ANKRD30A: variants seen among roughly 807,000 people sequenced by gnomAD.
ANKRD30A encodes the protein ankyrin repeat domain-containing protein 30A.
A neutral mutation model predicts 166.3 loss-of-function variants in ANKRD30A; 170 were observed. The ratio of observed to expected loss-of-function variants is 1.02; its 90% CI spans 0.90 to 1.16. The LOEUF is 1.16. ANKRD30A is among the 50% of genes most tolerant of loss of function. ANKRD30A has a pLI of 0.00. For synonymous variants in ANKRD30A, 564 were observed against 508.9 expected (o/e 1.11, Z -1.46); for missense variants, 1,630 against 1,518.0 (o/e 1.07, Z -1.23).
rs776058849 is a variant in ANKRD30A at position 37,219,310 on chromosome 10, C to T, written c.3598C>T (p.Pro1200Ser). 5.6e-6 allele frequency: 9 copies of T among 1,610,362 alleles called. No homozygotes were observed. The highest frequency in any genetic ancestry group is 4.5e-5 in the East Asian group (2 of 44,764). ...ILEAEIESHH[P>S]RLASAVQDHD... is the part of the protein sequence containing the mutation. ...AGAGGCAGAAATTGAATCACACCATCCTAGACTGGCTTCTGCTGTACAAGA... is the reference window on the plus strand; with the variant it reads ...AGAGGCAGAAATTGAATCACACCATTCTAGACTGGCTTCTGCTGTACAAGA... The change falls in exon 34 of 36, where the codon CCT (proline) becomes TCT (serine). Residue 1200 changes from proline (P) to serine (S), a missense_variant. By Grantham distance (74) the Pro-to-Ser change is moderately conservative. Around this residue, in one of 4 missense-constraint regions of ANKRD30A, gnomAD observed 712 missense variants for 629.3 expected, o/e 1.13. Coordinates refer to ENST00000361713, the MANE Select transcript of ANKRD30A (RefSeq NM_052997.3).
intron 31 of ANKRD30A, among the ~76,000 whole-genome samples, chr10:37,214,870 C>T (rs1470436438): frequency 6.6e-6 from 1 of 151,236 alleles, no homozygotes; most frequent in Non-Finnish European, 1.5e-5. Flanking sequence ...CCAATTTTTC[C>T]TCAAATGTTT....
At chr10:37,262,862 A>G in the ANKRD30A span, among the ~76,000 whole-genome samples, 1 of 152,314 alleles carries the variant, frequency 6.6e-6, no homozygotes, top group East Asian at 1.9e-4. Flanking sequence ...CCATAATTTT[A>G]TCATCAAGAG....
chr10:37,158,515 C>T lies in ANKRD30A; in HGVS notation c.1829C>T (p.Ala610Val), dbSNP rs927481627. 1.2e-6 allele frequency: 2 copies of T among 1,613,436 alleles called. No homozygotes were observed. Among genetic ancestry groups the T allele is most frequent in the South Asian group, 1.1e-5 (1 of 90,976 alleles). ...TGTTTTGTTTCCAAACCCATTTAGG[C>T]TACCTGCGGAATGAAAGTTTCTATT... ...ESPNKDGLLK[A>V]TCGMKVSIPT... Residue 610 changes from alanine (A) to valine (V), a missense_variant and splice_region_variant, in exon 15 of 36, where the codon GCT (alanine) becomes GTT (valine). By Grantham distance (64) the Ala-to-Val change is moderately conservative. Transcript: ENST00000361713.
At chr10:37,192,093 A>G (rs1368505396) in intron 25 of ANKRD30A, among the ~76,000 whole-genome samples, 1 of 151,906 alleles carries the variant, frequency 6.6e-6, no homozygotes, top group African/African-American at 2.4e-5. Flanking sequence ...CTGGAGTGCA[A>G]TGGCATGATC....
chr10:37,209,675 T>C (rs968594616), intron 31 of ANKRD30A, among the ~76,000 whole-genome samples: 1 of 152,186 alleles, frequency 6.6e-6, no homozygotes, highest in Admixed American at 6.6e-5. Flanking sequence ...TTTAGAATTA[T>C]ACCTCTTTTT....
At chr10:37,222,556 G>GT (rs900900944) in intron 34 of ANKRD30A, among the ~76,000 whole-genome samples, 8 of 151,232 alleles carry the variant, frequency 5.3e-5, no homozygotes, top group Non-Finnish European at 8.9e-5. Context: ...TAACGCTGCT[G>GT]TAAGCATTCA....
At chr10:37,179,038 A>C (rs1377820186) in intron 24 of ANKRD30A, among the ~76,000 whole-genome samples, 2 of 69,378 alleles carry the variant, frequency 2.9e-5, no homozygotes, top group Non-Finnish European at 8.4e-5. Flanking sequence ...ATATATATAT[A>C]TATATATATA....
At chr10:37,162,742 C>T (rs1588840382) in intron 16 of ANKRD30A, 34 bp from the exon 17 acceptor site, 7 of 1,613,254 alleles carry the variant, frequency 4.3e-6, no homozygotes, top group Non-Finnish European at 5.1e-6. Context: ...AGTATACATT[C>T]TTTATTAATC....
chr10:37,201,244 G>C lies in ANKRD30A; in HGVS notation c.2788G>C (p.Glu930Gln), dbSNP rs1841600598. 6.3e-7 allele frequency: 1 copy of C among 1,580,300 alleles called. No homozygotes were observed. Among genetic ancestry groups the C allele is most frequent in the African/African-American group, 1.4e-5 (1 of 72,720 alleles). ...ATATTACTTTTAACAGAGTCTCCGT[G>C]AGACTGTTTCACAGAAGGATGTGTG... ...ENSWDSESLR[E>Q]TVSQKDVCVP... is the part of the protein sequence containing the mutation. The change falls in exon 31 of 36, where the codon GAG becomes CAG. Residue 930 changes from glutamate (E) to glutamine (Q), a missense_variant. Transcript: ENST00000361713.
At chr10:37,236,526 C>T (rs899543245), downstream of ANKRD30A, among the ~76,000 whole-genome samples, 1 of 152,148 alleles carries the variant, frequency 6.6e-6, no homozygotes, top group Non-Finnish European at 1.5e-5. Flanking sequence ...ACTCAATGTG[C>T]TTTGCCCAAA....
downstream of ANKRD30A, chr10:37,232,697 TAGAGAGAG>T (rs5784546): frequency 1.3e-5 from 1 of 78,400 alleles, no homozygotes; most frequent in African/African-American, 4.9e-5. Flanking sequence ...TATATATAAA[TAGAGAGAG>T]AGAGAGAGAG....
the ANKRD30A span, among the ~76,000 whole-genome samples, chr10:37,243,880 G>A: frequency 8.6e-5 from 13 of 151,404 alleles, no homozygotes; most frequent in South Asian, 6.3e-4. Context: ...TTGTAGTGGT[G>A]GTGGGTTCCA....
intron 25 of ANKRD30A, among the ~76,000 whole-genome samples, chr10:37,189,931 GA>G (rs1337446610): frequency 6.6e-6 from 1 of 151,828 alleles, no homozygotes; most frequent in Non-Finnish European, 1.5e-5. Context: ...GATTGCTTAG[GA>G]AAAGATCGGG....
At chr10:37,231,269 T>A (rs1382225257) in intron 34 of ANKRD30A, among the ~76,000 whole-genome samples, 192 bp from the exon 35 acceptor site, 2 of 152,086 alleles carry the variant, frequency 1.3e-5, no homozygotes, top group Admixed American at 1.3e-4. Context: ...ATATTTGTAC[T>A]TTTTAAGAAC....
At chr10:37,148,793 A>G (rs537521142) in intron 9 of ANKRD30A, among the ~76,000 whole-genome samples, 1 of 152,212 alleles carries the variant, frequency 6.6e-6, no homozygotes, top group East Asian at 1.9e-4. Context: ...TTTATATTTT[A>G]AGAAAGTGAG....
chr10:37,141,677 T>C (rs762321125), intron 6 of ANKRD30A, 41 bp from the exon 7 acceptor site: 4 of 1,604,352 alleles, frequency 2.5e-6, no homozygotes, highest in East Asian at 2.2e-5. Flanking sequence ...GAGGATGATA[T>C]TTAGTAGAAG....
At chr10:37,178,560 A>G (rs371426724) in intron 24 of ANKRD30A, 3 of 979,326 alleles carry the variant, frequency 3.1e-6, no homozygotes, top group African/African-American at 1.7e-5. Flanking sequence ...GAGCAACTGG[A>G]TAGAAGGTCA....
intron 6 of ANKRD30A, among the ~76,000 whole-genome samples, chr10:37,138,774 G>A (rs1157386042): frequency 6.6e-6 from 1 of 152,186 alleles, no homozygotes; most frequent in Non-Finnish European, 1.5e-5. Flanking sequence ...AAGTGACGGG[G>A]AGAATGGAAC....
chr10:37,158,675 T>G, intron 15 of ANKRD30A, 89 bp downstream of exon 15: 4 of 1,542,724 alleles, frequency 2.6e-6, no homozygotes, highest in Non-Finnish European at 3.5e-6. Context: ...AATGTTGTTT[T>G]CTATTCAAAA....
Sources: gnomAD v4.1 joint callset for allele counts (sites outside exome capture counted in the v4.1 genomes callset) on GRCh38, gnomAD v4.1.1 for gene constraint, gnomAD v4.1.1 regional missense constraint, MANE v1.5 for transcripts, NCBI Gene and HGNC (gene_info 2026-07-23, HGNC 2026-07-21) for gene names.